MIGA1: variants seen among roughly 807,000 people sequenced by gnomAD.
MIGA1 encodes the protein family with sequence similarity 73, member A.
Under a neutral mutation model 82.0 loss-of-function variants are expected in MIGA1, and 58 were observed. The observed-to-expected ratio is 0.71, with a 90% CI of 0.57 to 0.88. The LOEUF is 0.88. MIGA1 is among the 40% of genes least tolerant of loss of function. The pLI, the probability that MIGA1 is intolerant of heterozygous loss-of-function variation, is 0.00. For missense variants in MIGA1, 751 were observed against 749.1 expected, an observed-to-expected ratio of 1.00 and a Z score of -0.03; for synonymous variants, 249 against 253.6, an observed-to-expected ratio of 0.98 and a Z score of 0.17.
Position 77,783,220 on chromosome 1 carries a change from AT to A in MIGA1, c.82-17del. ...GAAATCTTTGTGGCTAATTTTTTTT[AT>A]GTTTCATTTAATGAAGATTAGAAGA... On this transcript the variant is annotated splice_polypyrimidine_tract_variant and intron_variant, in intron 1 of 15. Coordinates refer to ENST00000370791, the MANE Select transcript of MIGA1 (RefSeq NM_198549.4). The A allele has an allele frequency of 2.0e-6, 3 of 1,496,696 alleles. No individual in the cohort carries two copies. The highest frequency in any genetic ancestry group is 2.7e-6 in the Non-Finnish European group (3 of 1,095,078). The allele number at this position is 1,496,696 out of a possible 1,614,324, so 92.7% of individuals were successfully genotyped here.
chr1:77,784,864 CA>C (rs999545342), intron 2 of MIGA1, among the ~76,000 whole-genome samples: 4 of 151,976 alleles, frequency 2.6e-5, no homozygotes, highest in African/African-American at 9.7e-5. Context: ...AGAGCTTGTG[CA>C]AAAAAACTCC....
At chr1:77,783,088 T>G (rs1048047223) in intron 1 of MIGA1, 150 bp from the exon 2 acceptor site, 6 of 481,196 alleles carry the variant, frequency 1.2e-5, no homozygotes, top group Non-Finnish European at 2.1e-5. Context: ...GTTTGGTGAT[T>G]AATAAATATA....
Position 77,783,351 on chromosome 1 carries a change from G to T in MIGA1, c.195G>T (p.Gln65His). ...TGACTTGGTACTATTCTCTCTCCCA[G>T]GTAAATAAAAGAAGCAAACAGGAAG... Residue 65 changes from glutamine to histidine, a missense_variant and splice_region_variant, in exon 2 of 16, where the codon CAG becomes CAT. Gln to His is a conservative substitution (Grantham distance 24, BLOSUM62 0). Transcript: ENST00000370791. 1 of 1,544,384 alleles carries T rather than the reference G, an allele frequency of 6.5e-7. No homozygotes were observed. Among genetic ancestry groups the T allele is most frequent in the South Asian group, 1.2e-5 (1 of 82,488 alleles).
intron 1 of MIGA1, chr1:77,780,078 G>A (rs1264627247): frequency 2.9e-6 from 3 of 1,043,994 alleles, no homozygotes; most frequent in Non-Finnish European, 3.5e-6. Flanking sequence ...GGAAGGGTCT[G>A]GACGGCCGAG....
intron 7 of MIGA1, among the ~76,000 whole-genome samples, chr1:77,832,282 C>T (rs1382689390): frequency 1.3e-5 from 2 of 152,164 alleles, no homozygotes; most frequent in Admixed American, 6.6e-5. Flanking sequence ...AGAATGAGCT[C>T]ACAGAATCTT....
rs1362426754 is a variant in MIGA1 at position 77,853,713 on chromosome 1, A to G, written c.997-5225A>G. The G allele has an allele frequency of 9.8e-6, 3 of 306,800 alleles. No individual in the cohort carries two copies. In the East Asian group the frequency reaches 2.8e-4, roughly 28 times the overall value. 19.0% of individuals were successfully genotyped at this position (306,800 alleles called of 1,614,324 possible). A position where few individuals can be genotyped will look rare whatever the true frequency, so the allele number is the denominator to read the frequency against. Reference sequence around the variant, plus strand: ...AAACCCAAAAACAAACAAACAACACACACACACAAAGGAGGCATCATGCTT... The same window carrying G: ...AAACCCAAAAACAAACAAACAACACGCACACACAAAGGAGGCATCATGCTT... On this transcript the variant is annotated intron_variant, in intron 8 of 15. Transcript: ENST00000370791.
intron 6 of MIGA1, among the ~76,000 whole-genome samples, 199 bp from the exon 7 acceptor site, chr1:77,814,909 C>T (rs963114128): frequency 1.3e-5 from 2 of 152,192 alleles, no homozygotes; most frequent in Admixed American, 6.5e-5. Flanking sequence ...AACTGAATCA[C>T]TAAGAACTAA....
intron 7 of MIGA1, among the ~76,000 whole-genome samples, chr1:77,819,708 C>T (rs1683726931): frequency 1.3e-5 from 2 of 151,898 alleles, no homozygotes; most frequent in Non-Finnish European, 2.9e-5. Context: ...CTTAGCCTCC[C>T]AAGTAGCTGG....
intron 7 of MIGA1, among the ~76,000 whole-genome samples, chr1:77,823,080 A>C (rs758789934): frequency 3.3e-5 from 5 of 151,906 alleles, no homozygotes; most frequent in Non-Finnish European, 5.9e-5. Flanking sequence ...TGACCTCGTG[A>C]TCCTCCCGCC....
At chr1:77,856,508 CT>C (rs1224194322) in intron 8 of MIGA1, among the ~76,000 whole-genome samples, 4 of 151,780 alleles carry the variant, frequency 2.6e-5, no homozygotes, top group Non-Finnish European at 1.5e-5. Context: ...TGGTCCTGCA[CT>C]TTTTTTTAAT....
Position 77,874,995 on chromosome 1 carries a change from T to C in MIGA1, c.1830T>C (p.His610=). The change falls in exon 16 of 16, where the codon CAT becomes CAC. Residue 610 remains histidine (H), a synonymous_variant. Coordinates refer to ENST00000370791, the MANE Select transcript of MIGA1 (RefSeq NM_198549.4). ...ATCTTGAAGCAGATGCCCTGAGGCA[T>C]ACAAGTAGTTGTCTAAGCAGTCATG... 1.2e-6 allele frequency: 2 copies of C among 1,614,192 alleles called. No homozygotes were observed. Among genetic ancestry groups the C allele is most frequent in the Non-Finnish European group, 1.7e-6 (2 of 1,180,024 alleles).
rs140327554 is a variant in MIGA1 at position 77,844,100 on chromosome 1, T to TAAAA, written c.996+704_996+707dup. 4.4e-4 allele frequency among the ~76,000 whole-genome samples: 30 copies of TAAAA among 68,406 alleles called. No homozygotes were observed. In the East Asian group the frequency reaches 6.6e-3, roughly 15 times the overall value. 44.9% of individuals were successfully genotyped at this position (68,406 alleles called of 152,430 possible). A position where few individuals can be genotyped will look rare whatever the true frequency, so the allele number is the denominator to read the frequency against. On this transcript the variant is annotated intron_variant, in intron 8 of 15. Transcript: ENST00000370791. The stretch of plus-strand genomic sequence containing the variant: ...TGGGTGACAGAACAAGACCCTGTCT[T>TAAAA]AAAAAAAAAAAAAATATATATATAT...
intron 2 of MIGA1, among the ~76,000 whole-genome samples, chr1:77,792,362 C>A (rs1288492010): frequency 2.6e-5 from 4 of 152,132 alleles, no homozygotes; most frequent in African/African-American, 9.7e-5. Flanking sequence ...CATTCCACCG[C>A]TGGGTCTTTT....
At chr1:77,870,650 G>C (rs1348227524) in intron 14 of MIGA1, among the ~76,000 whole-genome samples, 4 of 151,246 alleles carry the variant, frequency 2.6e-5, no homozygotes, top group African/African-American at 9.7e-5. Context: ...TGGGGGGCCA[G>C]GCAGAGACGC....
intron 7 of MIGA1, among the ~76,000 whole-genome samples, chr1:77,835,864 C>T (rs186552431): frequency 1.3e-5 from 2 of 152,186 alleles, no homozygotes; most frequent in African/African-American, 4.8e-5. Context: ...ACAAGAATCG[C>T]TTCAACCTGG....
At chr1:77,811,498 T>C in intron 5 of MIGA1, 3 of 1,558,144 alleles carry the variant, frequency 1.9e-6, no homozygotes, top group Non-Finnish European at 2.7e-6. Context: ...TAGGATTGGT[T>C]CTAGCTTCTT....
At chr1:77,847,948 C>T (rs986610483) in intron 8 of MIGA1, 7 of 1,294,386 alleles carry the variant, frequency 5.4e-6, no homozygotes, top group African/African-American at 2.9e-5. Context: ...GGGAAAAGGT[C>T]GTAGAGACCC....
At chr1:77,839,427 G>C (rs138204962) in intron 7 of MIGA1, among the ~76,000 whole-genome samples, 11 of 151,892 alleles carry the variant, frequency 7.2e-5, no homozygotes, top group Admixed American at 3.9e-4. Flanking sequence ...ATGGAGTGTA[G>C]TGACACGATC....
rs1428256803 is a variant in MIGA1 at position 77,803,704 on chromosome 1, T to G, written c.510+298T>G. On this transcript the variant is annotated intron_variant, in intron 4 of 15. Coordinates refer to ENST00000370791, the MANE Select transcript of MIGA1 (RefSeq NM_198549.4). Reference sequence around the variant, plus strand: ...TCACTTATTTGTGGGAGCTAAAAATTAAAACAATTGAACTTATGGAGATAG... The same window carrying G: ...TCACTTATTTGTGGGAGCTAAAAATGAAAACAATTGAACTTATGGAGATAG... Among the ~76,000 whole-genome samples the G allele has an allele frequency of 2.0e-5, 3 of 152,222 alleles. No homozygotes were observed. In the East Asian group the frequency reaches 5.8e-4, roughly 29 times the overall value.
Sources: gnomAD v4.1 joint callset for allele counts (sites outside exome capture counted in the v4.1 genomes callset) on GRCh38, gnomAD v4.1.1 for gene constraint, MANE v1.5 for transcripts, NCBI Gene and HGNC (gene_info 2026-07-23, HGNC 2026-07-21) for gene names.